The following FILIP1L variants were observed in gnomAD, a reference collection of about 807,000 sequenced individuals.
FILIP1L encodes filamin A interacting protein 1 like, also known as filamin A-interacting protein 1-like.
Under a neutral mutation model 96.6 loss-of-function variants are expected in FILIP1L, and 55 were observed. That is an observed-to-expected ratio of 0.57 (90% CI 0.46 to 0.71). FILIP1L has a LOEUF of 0.71. FILIP1L is among the 30% of genes least tolerant of loss of function. The pLI is 0.00. For missense variants in FILIP1L, 1,304 were observed against 1,321.2 expected (o/e 0.99, Z 0.20); for synonymous variants, 467 against 473.9 (o/e 0.99, Z 0.19).
intron 4 of FILIP1L, among the ~76,000 whole-genome samples, chr3:99,900,739 C>T (rs576771309): frequency 6.6e-6 from 1 of 152,184 alleles, no homozygotes; most frequent in African/African-American, 2.4e-5. Context: ...CTGAGCTGCA[C>T]GTTGGAACTA....
At chr3:99,835,275 TTGTC>T (rs1303114883) in intron 5 of FILIP1L, among the ~76,000 whole-genome samples, 2 of 152,242 alleles carry the variant, frequency 1.3e-5, no homozygotes, top group African/African-American at 4.8e-5. Flanking sequence ...TTATGCTACT[TTGTC>T]TGGTCCTTGT....
intron 1 of FILIP1L, among the ~76,000 whole-genome samples, chr3:100,091,541 G>A (rs1006210532): frequency 2.0e-5 from 3 of 152,180 alleles, no homozygotes; most frequent in African/African-American, 7.2e-5. Context: ...CCAGCCATAA[G>A]CATCATAAGT....
intron 3 of FILIP1L, among the ~76,000 whole-genome samples, chr3:99,929,455 C>G (rs1263132903): frequency 6.6e-6 from 1 of 151,920 alleles, no homozygotes; most frequent in Non-Finnish European, 1.5e-5. Context: ...CAAAAATTAA[C>G]CTCTATGGTT....
intron 1 of FILIP1L, among the ~76,000 whole-genome samples, chr3:100,050,563 G>C (rs547212667): frequency 2.0e-5 from 3 of 152,000 alleles, no homozygotes; most frequent in African/African-American, 4.8e-5. Context: ...ACAGAGTCTC[G>C]CTCTATTGCC....
At chr3:99,896,427 A>G (rs531943554) in intron 4 of FILIP1L, among the ~76,000 whole-genome samples, 1 of 152,280 alleles carries the variant, frequency 6.6e-6, no homozygotes, top group East Asian at 1.9e-4. Flanking sequence ...TGTGAAGTGT[A>G]TATATTTTCT....
At chr3:100,086,821 T>C (rs527701986) in intron 1 of FILIP1L, among the ~76,000 whole-genome samples, 2 of 152,318 alleles carry the variant, frequency 1.3e-5, no homozygotes, top group East Asian at 1.9e-4. Flanking sequence ...GCAAAGCACT[T>C]CCATCACCCC....
chr3:100,015,125 C>T (rs1287851997), intron 1 of FILIP1L, among the ~76,000 whole-genome samples: 4 of 151,632 alleles, frequency 2.6e-5, no homozygotes, highest in African/African-American at 9.7e-5. Context: ...ATCCAGTTTT[C>T]CCTGCACCAT....
At chr3:99,942,212 AAAG>A (rs1452412497) in intron 1 of FILIP1L, among the ~76,000 whole-genome samples, 1 of 152,134 alleles carries the variant, frequency 6.6e-6, no homozygotes, top group Admixed American at 6.5e-5. Context: ...AAAAAAAAAA[AAAG>A]AAGTTACTGT....
At chr3:99,902,158 G>T in intron 4 of FILIP1L, among the ~76,000 whole-genome samples, 1 of 151,934 alleles carries the variant, frequency 6.6e-6, no homozygotes. Flanking sequence ...CATTTGTGGA[G>T]GACAATAAAA....
At chr3:100,036,942 C>G (rs1559734701) in intron 1 of FILIP1L, among the ~76,000 whole-genome samples, 1 of 152,096 alleles carries the variant, frequency 6.6e-6, no homozygotes, top group East Asian at 1.9e-4. Context: ...AAATATCAGA[C>G]AAACCTAAAC....
chr3:100,082,137 AT>A (rs2065941856), intron 1 of FILIP1L, among the ~76,000 whole-genome samples: 1 of 152,252 alleles, frequency 6.6e-6, no homozygotes, highest in Admixed American at 6.5e-5. Flanking sequence ...AAATTGCAAA[AT>A]ACAAACAACT....
intron 1 of FILIP1L, among the ~76,000 whole-genome samples, chr3:99,939,049 A>T (rs1172611437): frequency 6.6e-6 from 1 of 152,240 alleles, no homozygotes; most frequent in Admixed American, 6.5e-5. Flanking sequence ...GGCATAGACA[A>T]GTCTTTAGAC....
At position 100,032,307 on chromosome 3, in the gene FILIP1L, T is replaced by C. The variant is rs148256538; in HGVS notation, c.-11+81746A>G. 4.6e-3 allele frequency among the ~76,000 whole-genome samples: 707 copies of C among 152,360 alleles called. 2 individuals carry two copies. The highest frequency in any genetic ancestry group is 7.0e-3 in the South Asian group (34 of 4,826). ...AGTTGGTACTAGGTCAAATTCCAGA[T>C]TGGTTATTTTGATTTACTCTCTTAA... On this transcript the variant is annotated intron_variant, in intron 1 of 5. Transcript: ENST00000477258.
chr3:99,864,557 G>A (rs775484747), intron 4 of FILIP1L, among the ~76,000 whole-genome samples: 6 of 152,054 alleles, frequency 3.9e-5, no homozygotes, highest in Non-Finnish European at 5.9e-5. Flanking sequence ...GCTACATGCC[G>A]GAAACCCCAG....
rs1227195296 is a variant in FILIP1L at position 99,848,472 on chromosome 3, A to T, written c.3204T>A (p.Ser1068Arg). 6.2e-7 allele frequency: 1 copy of T among 1,614,152 alleles called. No individual in the cohort carries two copies. The highest frequency in any genetic ancestry group is 1.1e-5 in the South Asian group (1 of 91,084). ...GGCTGGCTACAGCTTGCATGTAAGG[A>T]CTTCCTAAGTGAATGTGGATTTTAT... ...EDNKIHIHLG[S>R]PYMQAVASPV... Residue 1068 changes from serine to arginine, a missense_variant, in exon 5 of 6, where the codon AGT (serine) becomes AGA (arginine). Coordinates refer to ENST00000477258, the MANE Select transcript of FILIP1L (RefSeq NM_001387850.1).
chr3:99,887,090 G>A (rs1433494669), intron 4 of FILIP1L, among the ~76,000 whole-genome samples: 1 of 151,634 alleles, frequency 6.6e-6, no homozygotes, highest in South Asian at 2.1e-4. Flanking sequence ...TGACCAACAT[G>A]GAGAAACCCC....
At chr3:99,933,742 T>A (rs1205511645) in intron 1 of FILIP1L, among the ~76,000 whole-genome samples, 1 of 152,176 alleles carries the variant, frequency 6.6e-6, no homozygotes, top group East Asian at 1.9e-4. Flanking sequence ...TCCTTTGTCT[T>A]ATATTTTTAA....
chr3:99,993,923 G>GT (rs1385496520), intron 1 of FILIP1L, among the ~76,000 whole-genome samples: 2 of 152,058 alleles, frequency 1.3e-5, no homozygotes, highest in African/African-American at 4.8e-5. Flanking sequence ...AGGGATATTG[G>GT]TTTATAGTTT....
intron 4 of FILIP1L, among the ~76,000 whole-genome samples, chr3:99,901,245 C>T (rs1017201093): frequency 6.6e-6 from 1 of 152,146 alleles, no homozygotes; most frequent in Non-Finnish European, 1.5e-5. Flanking sequence ...ATAGTACCTT[C>T]CTTTAGAGAT....
Sources: allele counts gnomAD v4.1 joint callset (sites outside exome capture counted in the v4.1 genomes callset), GRCh38; gene constraint gnomAD v4.1.1; transcripts MANE v1.5; gene names NCBI Gene and HGNC (gene_info 2026-07-23, HGNC 2026-07-21).